Variants in EYA1 observed in about 807,000 individuals in gnomAD.
EYA1 encodes the protein EYA transcriptional coactivator and phosphatase 1.
A neutral mutation model predicts 82.0 loss-of-function variants in EYA1; 16 were observed. The ratio of observed to expected loss-of-function variants is 0.20; its 90% CI spans 0.13 to 0.30. EYA1 has a LOEUF of 0.30. Among genes scored for constraint, EYA1 ranks in the 10% least tolerant of loss-of-function variants. The pLI is 1.00. For missense variants in EYA1, 633 were observed against 730.7 expected (o/e 0.87, Z 1.54); for synonymous variants, 261 against 264.4 (o/e 0.99, Z 0.12).
chr8:71,460,348 C>T (rs933969997), intron 2 of EYA1, among the ~76,000 whole-genome samples: 1 of 152,130 alleles, frequency 6.6e-6, no homozygotes, highest in Non-Finnish European at 1.5e-5. Context: ...TTAAAAGTTT[C>T]CAGATGATTC....
chr8:71,387,424 A>G (rs1829029803), intron 2 of EYA1, among the ~76,000 whole-genome samples: 1 of 152,200 alleles, frequency 6.6e-6, no homozygotes, highest in Non-Finnish European at 1.5e-5. Flanking sequence ...GATTATATAG[A>G]GAGAAATGAT....
At chr8:71,526,914 C>T (rs1438347277) in intron 2 of EYA1, among the ~76,000 whole-genome samples, 1 of 152,160 alleles carries the variant, frequency 6.6e-6, no homozygotes, top group African/African-American at 2.4e-5. Context: ...TTTAAAATCA[C>T]CACAAACACA....
chr8:71,406,924 CACAG>C (rs1176213873), intron 2 of EYA1, among the ~76,000 whole-genome samples: 3 of 144,760 alleles, frequency 2.1e-5, no homozygotes, highest in Non-Finnish European at 3.1e-5. Flanking sequence ...GGGGGCAGGG[CACAG>C]ACAAACAAAA....
chr8:71,441,962 C>CT (rs1324726660), intron 2 of EYA1, among the ~76,000 whole-genome samples: 1 of 152,180 alleles, frequency 6.6e-6, no homozygotes, highest in Non-Finnish European at 1.5e-5. Flanking sequence ...GAGAAGACAG[C>CT]TATCTACAAG....
At chr8:71,542,095 G>A (rs1448857884) in intron 1 of EYA1, among the ~76,000 whole-genome samples, 5 of 152,130 alleles carry the variant, frequency 3.3e-5, no homozygotes, top group Non-Finnish European at 5.9e-5. Flanking sequence ...TAAATTTAGG[G>A]CTATATGTGC....
intron 2 of EYA1, among the ~76,000 whole-genome samples, chr8:71,470,012 C>G (rs987507478): frequency 6.6e-6 from 1 of 152,004 alleles, no homozygotes; most frequent in African/African-American, 2.4e-5. Context: ...ATAACAGCAT[C>G]CATTCAATAA....
intron 11 of EYA1, among the ~76,000 whole-genome samples, chr8:71,248,448 C>T (rs1286257771): frequency 6.6e-6 from 1 of 152,252 alleles, no homozygotes; most frequent in African/African-American, 2.4e-5. Context: ...CAAGATTTTG[C>T]TCACTGTGTG....
At chr8:71,248,393 A>G (rs1160434449) in intron 11 of EYA1, among the ~76,000 whole-genome samples, 1 of 152,230 alleles carries the variant, frequency 6.6e-6, no homozygotes, top group Non-Finnish European at 1.5e-5. Flanking sequence ...GGATCTAAGA[A>G]TCTCTCTTAT....
At chr8:71,425,429 A>C (rs1805145711) in intron 2 of EYA1, among the ~76,000 whole-genome samples, 1 of 152,234 alleles carries the variant, frequency 6.6e-6, no homozygotes, top group Non-Finnish European at 1.5e-5. Flanking sequence ...AGATCCAAAA[A>C]TGATGTTCCC....
At chr8:71,453,000 T>C (rs4737318) in intron 2 of EYA1, among the ~76,000 whole-genome samples, 64,039 of 151,958 alleles carry the variant, frequency 0.42, 14,277 homozygotes, top group East Asian at 0.68. Context: ...AAACTCATCA[T>C]AAAGAAGCTA....
chr8:71,541,976 T>C (rs975696303), intron 1 of EYA1, among the ~76,000 whole-genome samples: 2 of 152,226 alleles, frequency 1.3e-5, no homozygotes, highest in African/African-American at 4.8e-5. Context: ...TCCACTCAGT[T>C]ATTATTTTTG....
intron 12 of EYA1, among the ~76,000 whole-genome samples, chr8:71,242,314 G>C (rs1359193511): frequency 2.0e-5 from 3 of 152,218 alleles, no homozygotes; most frequent in African/African-American, 7.2e-5. Context: ...CAGACTAAAT[G>C]AATCTTTCAT....
At chr8:71,256,079 G>A (rs918767418) in intron 11 of EYA1, among the ~76,000 whole-genome samples, 1 of 152,172 alleles carries the variant, frequency 6.6e-6, no homozygotes, top group South Asian at 2.1e-4. Flanking sequence ...TGAGGATGTG[G>A]AGAAATTGGA....
In EYA1 at chr8:71,215,625, G is replaced by A. The variant is rs770264648; in HGVS notation, c.1464C>T (p.Leu488=). The change falls in exon 15 of 18, where the codon CTC becomes CTT. Residue 488 remains leucine, a synonymous_variant. Coordinates refer to ENST00000340726, the MANE Select transcript of EYA1 (RefSeq NM_000503.6). The part of the protein sequence containing the change: ...WLTLALKALS[L]IHSRTNCVNI... ...GCAGAGAGCCTCACCGGGAGTGAAT[G>A]AGCGAGAGTGCTTTCAGGGCCAGTG... 6 of 1,613,986 alleles carry A rather than the reference G, an allele frequency of 3.7e-6. No individual in the cohort carries two copies. Among genetic ancestry groups the A allele is most frequent in the Non-Finnish European group, 5.1e-6 (6 of 1,179,864 alleles).
chr8:71,439,375 G>C (rs925657246), intron 2 of EYA1, among the ~76,000 whole-genome samples: 3 of 152,088 alleles, frequency 2.0e-5, no homozygotes, highest in Non-Finnish European at 4.4e-5. Context: ...TTGGAGGTGG[G>C]GGTAAAGGGG....
At chr8:71,389,928 G>A (rs1006036660) in intron 2 of EYA1, among the ~76,000 whole-genome samples, 2 of 151,892 alleles carry the variant, frequency 1.3e-5, no homozygotes, top group African/African-American at 2.4e-5. Context: ...ATTTTTCTCC[G>A]TTTGATGCTT....
intron 9 of EYA1, among the ~76,000 whole-genome samples, chr8:71,286,533 G>A (rs1484450836): frequency 6.6e-6 from 1 of 152,220 alleles, no homozygotes; most frequent in East Asian, 1.9e-4. Context: ...AAGAGGGTAT[G>A]CGAAGGTGTT....
intron 1 of EYA1, among the ~76,000 whole-genome samples, chr8:71,542,996 C>T (rs1362131810): frequency 6.6e-6 from 1 of 151,922 alleles, no homozygotes; most frequent in African/African-American, 2.4e-5. Flanking sequence ...TTTTCCCATT[C>T]TGTAGATTGT....
chr8:71,467,461 A>G (rs1808864358), intron 2 of EYA1, among the ~76,000 whole-genome samples: 1 of 152,056 alleles, frequency 6.6e-6, no homozygotes, highest in African/African-American at 2.4e-5. Context: ...GGAAAAAGAG[A>G]AGTTGTTGTT....
Sources: gnomAD v4.1 joint callset for allele counts (sites outside exome capture counted in the v4.1 genomes callset) on GRCh38, gnomAD v4.1.1 for gene constraint, MANE v1.5 for transcripts, NCBI Gene and HGNC (gene_info 2026-07-23, HGNC 2026-07-21) for gene names.